LARP4B: variants seen among roughly 807,000 people sequenced by gnomAD.
LARP4B encodes the protein La ribonucleoprotein 4B.
LARP4B carries 12 observed loss-of-function variants against 89.8 expected under a neutral mutation model. The observed-to-expected ratio is 0.13, with a 90% CI of 0.09 to 0.22. The LOEUF (loss-of-function observed/expected upper bound fraction) is 0.22, where lower values mean the gene tolerates loss of function less well. Ranked by LOEUF, LARP4B falls within the 10% of genes least tolerant of loss-of-function variation. The pLI is 1.00. For synonymous variants in LARP4B, 367 were observed against 363.3 expected (o/e 1.01, Z -0.12); for missense variants, 757 against 947.7 (o/e 0.80, Z 2.64).
In LARP4B at chr10:845,072, A is replaced by G; in HGVS notation, c.431-17T>C. On this transcript the variant is annotated splice_polypyrimidine_tract_variant and intron_variant, in intron 5 of 17. Coordinates refer to ENST00000316157, the MANE Select transcript of LARP4B (RefSeq NM_015155.3). Reference sequence around the variant, plus strand: ...CATTTCCTCCTACATAAAAGTAATAATCAACTTAGGAAAACCGGCTTAAAA... The same window carrying G: ...CATTTCCTCCTACATAAAAGTAATAGTCAACTTAGGAAAACCGGCTTAAAA... 6.3e-7 allele frequency: 1 copy of G among 1,591,456 alleles called. No homozygotes were observed. The highest frequency in any genetic ancestry group is 8.6e-7 in the Non-Finnish European group (1 of 1,167,344).
chr10:888,907 G>A (rs1835938623), intron 1 of LARP4B, among the ~76,000 whole-genome samples: 1 of 151,526 alleles, frequency 6.6e-6, no homozygotes, highest in Non-Finnish European at 1.5e-5. Context: ...ACAACATGGC[G>A]ACACTCATCT....
Position 926,762 on chromosome 10 carries a change from C to G in LARP4B, c.-40+4666G>C, listed in dbSNP as rs116986336. Among the ~76,000 whole-genome samples, 902 of 152,292 alleles carry G rather than the reference C, an allele frequency of 5.9e-3. 5 individuals are homozygous for G. Among genetic ancestry groups the G allele is most frequent in the Non-Finnish European group, 9.0e-3 (611 of 68,014 alleles). ...CAAATTTGTGTTAAACATGGCCGGG[C>G]GCAGTGGCTCACGCCTGTAATCCCA... is the stretch of plus-strand genomic sequence containing the variant. On this transcript the variant is annotated intron_variant, in intron 1 of 17. Coordinates refer to ENST00000316157, the MANE Select transcript of LARP4B (RefSeq NM_015155.3).
chr10:929,190 T>A (rs781233208), intron 1 of LARP4B, among the ~76,000 whole-genome samples: 1 of 152,168 alleles, frequency 6.6e-6, no homozygotes, highest in Non-Finnish European at 1.5e-5. Flanking sequence ...CAGAAGCTGT[T>A]TTCTCTGCCC....
At chr10:863,920 G>A (rs752088341) in intron 4 of LARP4B, 37 bp from the exon 5 acceptor site, 3 of 1,591,438 alleles carry the variant, frequency 1.9e-6, no homozygotes, top group South Asian at 1.1e-5. Flanking sequence ...GGCAGGGTTA[G>A]AAGCATAACT....
chr10:944,788 C>G, the LARP4B span, among the ~76,000 whole-genome samples: 2 of 152,164 alleles, frequency 1.3e-5, no homozygotes, highest in African/African-American at 2.4e-5. Flanking sequence ...TTCTGGTGTT[C>G]TTTGATTTCT....
At chr10:974,998 C>T in the LARP4B span, among the ~76,000 whole-genome samples, 3 of 152,220 alleles carry the variant, frequency 2.0e-5, no homozygotes. Flanking sequence ...TGTTCAGTGG[C>T]TGGGATGGGG....
intron 1 of LARP4B, among the ~76,000 whole-genome samples, chr10:908,867 G>C (rs370160851): frequency 2.6e-5 from 4 of 152,162 alleles, no homozygotes; most frequent in Non-Finnish European, 4.4e-5. Flanking sequence ...GCACGGGGGG[G>C]GCCTCCCTTG....
chr10:951,940 A>G, the LARP4B span, among the ~76,000 whole-genome samples: 19 of 149,686 alleles, frequency 1.3e-4, no homozygotes, highest in Admixed American at 1.3e-3. Context: ...ACAACCTTTA[A>G]AAGGAAGAAA....
the LARP4B span, among the ~76,000 whole-genome samples, chr10:982,370 C>T: frequency 6.6e-6 from 1 of 152,058 alleles, no homozygotes; most frequent in South Asian, 2.1e-4. Flanking sequence ...CGATTACAGG[C>T]GTGAGACACT....
chr10:828,868 A>G (rs942628084), intron 11 of LARP4B, among the ~76,000 whole-genome samples: 2 of 152,236 alleles, frequency 1.3e-5, no homozygotes, highest in African/African-American at 4.8e-5. Flanking sequence ...CTATAGCAGC[A>G]CACAAAGAGA....
chr10:878,530 C>T (rs1479976120), intron 3 of LARP4B, among the ~76,000 whole-genome samples: 2 of 152,238 alleles, frequency 1.3e-5, no homozygotes, highest in Non-Finnish European at 2.9e-5. Context: ...CTTCGAATTG[C>T]TGCCAAAACT....
chr10:934,489 C>CA (rs1411119720), upstream of LARP4B, among the ~76,000 whole-genome samples: 32 of 151,660 alleles, frequency 2.1e-4, 1 homozygote, highest in Middle Eastern at 0.014. Context: ...GACCCTGTCT[C>CA]AAAAAAAGAA....
rs573099323 is a variant in LARP4B, at chr10:814,947, C to T, written c.1819G>A (p.Asp607Asn). ...CGCTGGAAGAACACCAATACTCACTCGGGTAAATGAGCTGGGGAGGGGGAT... is the reference window on the plus strand; with the variant it reads ...CGCTGGAAGAACACCAATACTCACTTGGGTAAATGAGCTGGGGAGGGGGAT... Reference protein sequence around the residue: ...ERSPSPAHLPDDPKVAEKQRE... With the variant: ...ERSPSPAHLPNDPKVAEKQRE... Residue 607 changes from aspartate (D) to asparagine (N), a missense_variant and splice_region_variant, in exon 16 of 18, where the codon GAT becomes AAT. Coordinates refer to ENST00000316157, the MANE Select transcript of LARP4B (RefSeq NM_015155.3). This position sits in a 1 kb window ranked among gnomAD's most constrained non-coding sequence, Gnocchi z 4.4. 7.5e-6 allele frequency: 12 copies of T among 1,590,472 alleles called. No homozygotes were observed. The South Asian group carries it at 8.0e-5, about 11-fold the overall frequency.
chr10:902,617 G>A (rs892416140), intron 1 of LARP4B, among the ~76,000 whole-genome samples: 1 of 150,370 alleles, frequency 6.7e-6, no homozygotes, highest in African/African-American at 2.4e-5. Flanking sequence ...TTAACCTCAA[G>A]TTGAAGCAGA....
At chr10:943,279 C>G in the LARP4B span, among the ~76,000 whole-genome samples, 1 of 152,136 alleles carries the variant, frequency 6.6e-6, no homozygotes, top group Non-Finnish European at 1.5e-5. Context: ...CAGATGGGCA[C>G]TTTGCCTGCT....
chr10:981,628 T>G, the LARP4B span, among the ~76,000 whole-genome samples: 1 of 152,310 alleles, frequency 6.6e-6, no homozygotes, highest in African/African-American at 2.4e-5. Flanking sequence ...TGGAGTGCAG[T>G]GGTACGATCT....
intron 1 of LARP4B, among the ~76,000 whole-genome samples, chr10:917,098 G>A (rs949663076): frequency 1.3e-5 from 2 of 152,208 alleles, no homozygotes; most frequent in Non-Finnish European, 2.9e-5. Flanking sequence ...TGTTCATGAT[G>A]ATTGCTAACT....
chr10:911,784 T>C (rs1043122135), intron 1 of LARP4B, among the ~76,000 whole-genome samples: 6 of 152,132 alleles, frequency 3.9e-5, no homozygotes. Context: ...GCTGTCCAAT[T>C]TCGTGGTTTT....
intron 3 of LARP4B, among the ~76,000 whole-genome samples, chr10:865,579 G>C (rs1191073330): frequency 2.0e-5 from 3 of 152,124 alleles, no homozygotes; most frequent in East Asian, 1.9e-4. Context: ...ATCCTGCCCA[G>C]AGACTGGGGA....
Sources: allele counts gnomAD v4.1 joint callset (sites outside exome capture counted in the v4.1 genomes callset), GRCh38; gene constraint gnomAD v4.1.1; non-coding constraint Gnocchi (gnomAD v3.1); transcripts MANE v1.5; gene names NCBI Gene and HGNC (gene_info 2026-07-23, HGNC 2026-07-21).